Variants in CADM2 observed in about 807,000 individuals in gnomAD.
The protein encoded by CADM2 is immunoglobulin superfamily member 4D.
A neutral mutation model predicts 49.8 loss-of-function variants in CADM2; 12 were observed. That is an observed-to-expected ratio of 0.24 (90% CI 0.15 to 0.39). CADM2 has a LOEUF of 0.39. CADM2 is among the 10% of genes least tolerant of loss of function. The pLI, the probability that CADM2 is intolerant of heterozygous loss-of-function variation, is 1.00. For missense variants in CADM2, 378 were observed against 492.3 expected (o/e 0.77, Z 2.20); for synonymous variants, 214 against 175.4 (o/e 1.22, Z -1.74).
chr3:86,074,308 A>T lies in CADM2; in HGVS notation c.*7525A>T, dbSNP rs1703427560. 4.6e-5 allele frequency: 7 copies of T among 152,026 alleles called. No homozygotes were observed. Among genetic ancestry groups the T allele is most frequent in the Admixed American group, 4.6e-4 (7 of 15,248 alleles). 9.4% of individuals were successfully genotyped at this position (152,026 alleles called of 1,614,324 possible). A position where few individuals can be genotyped will look rare whatever the true frequency, so the allele number is the denominator to read the frequency against. Reference sequence around the variant, plus strand: ...CATAAAGTATTTTATAGTCTACTTTAAATAACAGATTTTGTTACACAGGGT... The same window carrying T: ...CATAAAGTATTTTATAGTCTACTTTTAATAACAGATTTTGTTACACAGGGT... On this transcript the variant is annotated 3_prime_UTR_variant, in exon 10 of 10. Coordinates refer to ENST00000383699, the MANE Select transcript of CADM2 (RefSeq NM_001167675.2).
At chr3:85,434,786 G>C (rs1237141939) in intron 1 of CADM2, among the ~76,000 whole-genome samples, 3 of 152,008 alleles carry the variant, frequency 2.0e-5, no homozygotes, top group Non-Finnish European at 4.4e-5. Context: ...TGCTGAACCA[G>C]GATTCCTCAG....
At chr3:85,248,161 TTA>T (rs2042691397) in intron 1 of CADM2, among the ~76,000 whole-genome samples, 1 of 152,178 alleles carries the variant, frequency 6.6e-6, no homozygotes, top group African/African-American at 2.4e-5. Context: ...AATTATAACT[TTA>T]TGTTTGAATC....
chr3:85,054,291 G>C (rs2035992320), intron 1 of CADM2, among the ~76,000 whole-genome samples: 3 of 151,812 alleles, frequency 2.0e-5, no homozygotes, highest in Admixed American at 1.3e-4. Flanking sequence ...GGCAGAGACA[G>C]AAGACTTTCT....
At chr3:85,395,169 A>G (rs1400111346) in intron 1 of CADM2, among the ~76,000 whole-genome samples, 1 of 151,778 alleles carries the variant, frequency 6.6e-6, no homozygotes, top group African/African-American at 2.4e-5. Flanking sequence ...GTATTGGTGC[A>G]TACCTGTGGG....
chr3:85,597,923 GACC>G (rs1553747751), intron 1 of CADM2, among the ~76,000 whole-genome samples: 1 of 151,976 alleles, frequency 6.6e-6, no homozygotes, highest in Non-Finnish European at 1.5e-5. Flanking sequence ...ATTAAATGCT[GACC>G]AACTCTAAAC....
At chr3:85,692,947 A>C (rs2066431053) in intron 1 of CADM2, among the ~76,000 whole-genome samples, 2 of 152,252 alleles carry the variant, frequency 1.3e-5, no homozygotes, top group African/African-American at 2.4e-5. Flanking sequence ...AATCAGAAGG[A>C]GGCCGGGCGG....
At chr3:85,775,454 A>G (rs372959707) in intron 2 of CADM2, among the ~76,000 whole-genome samples, 1 of 151,824 alleles carries the variant, frequency 6.6e-6, no homozygotes, top group East Asian at 1.9e-4. Context: ...ACATAGTTCA[A>G]CAAATTTGCA....
chr3:84,986,252 G>A (rs1028746673), intron 1 of CADM2, among the ~76,000 whole-genome samples: 1 of 151,990 alleles, frequency 6.6e-6, no homozygotes, highest in South Asian at 2.1e-4. Context: ...TTTGTGACTC[G>A]ACTTGCTGAA....
At chr3:85,601,262 T>A (rs992962710) in intron 1 of CADM2, among the ~76,000 whole-genome samples, 1 of 149,046 alleles carries the variant, frequency 6.7e-6, no homozygotes, top group Non-Finnish European at 1.5e-5. Context: ...ATAGTGAATA[T>A]TTGGAAATAT....
chr3:85,863,395 A>C (rs1167932304), intron 3 of CADM2, among the ~76,000 whole-genome samples: 1 of 152,160 alleles, frequency 6.6e-6, no homozygotes. Context: ...GGCCTTTAAG[A>C]GGTGACTGCC....
At chr3:85,476,434 A>T (rs890731797) in intron 1 of CADM2, among the ~76,000 whole-genome samples, 1 of 151,938 alleles carries the variant, frequency 6.6e-6, no homozygotes, top group Non-Finnish European at 1.5e-5. Flanking sequence ...GATATTCTTT[A>T]AAAATAAATA....
intron 1 of CADM2, among the ~76,000 whole-genome samples, chr3:85,347,817 T>A (rs2107224148): frequency 6.7e-6 from 1 of 150,100 alleles, no homozygotes; most frequent in South Asian, 2.1e-4. Context: ...GTTTTTTGTT[T>A]TTTTTTTTAA....
intron 1 of CADM2, among the ~76,000 whole-genome samples, chr3:85,313,722 G>C (rs1243319100): frequency 6.6e-6 from 1 of 152,040 alleles, no homozygotes; most frequent in African/African-American, 2.4e-5. Context: ...CTCATGTTCT[G>C]TACAAACTTG....
intron 5 of CADM2, among the ~76,000 whole-genome samples, chr3:85,898,588 A>C (rs917660038): frequency 2.7e-5 from 4 of 146,108 alleles, no homozygotes; most frequent in African/African-American, 1.0e-4. Context: ...TTTTTTTTTG[A>C]GTCTCAACAT....
intron 2 of CADM2, among the ~76,000 whole-genome samples, chr3:85,734,858 T>C (rs2068068822): frequency 6.6e-6 from 1 of 151,124 alleles, no homozygotes; most frequent in Non-Finnish European, 1.5e-5. Flanking sequence ...TTAAAAACTC[T>C]TAGTCATTTT....
At chr3:85,442,565 T>C (rs1271343349) in intron 1 of CADM2, among the ~76,000 whole-genome samples, 1 of 144,666 alleles carries the variant, frequency 6.9e-6, no homozygotes, top group African/African-American at 2.6e-5. Flanking sequence ...CCACATTCTA[T>C]TTAAAATAAT....
chr3:85,668,935 T>C (rs2065655681), intron 1 of CADM2, among the ~76,000 whole-genome samples: 1 of 152,176 alleles, frequency 6.6e-6, no homozygotes, highest in African/African-American at 2.4e-5. Context: ...ATGGATTTCA[T>C]AGGTCATATG....
Position 85,822,252 on chromosome 3 carries a change from T to C in CADM2, c.238+20056T>C, listed in dbSNP as rs548785146. Among the ~76,000 whole-genome samples the C allele has an allele frequency of 5.9e-5, 9 of 152,248 alleles. No individual in the cohort carries two copies. The South Asian group carries it at 1.5e-3, about 25-fold the overall frequency. The stretch of plus-strand genomic sequence containing the variant: ...ATTGGCAGTAATGGAAGAAGAGATT[T>C]TGAAGCAATTTCAGCAAGTTTAGGA... On this transcript the variant is annotated intron_variant, in intron 3 of 9. Coordinates refer to ENST00000383699, the MANE Select transcript of CADM2 (RefSeq NM_001167675.2).
At chr3:85,193,210 T>C (rs1208930392) in intron 1 of CADM2, among the ~76,000 whole-genome samples, 2 of 152,082 alleles carry the variant, frequency 1.3e-5, no homozygotes, top group Non-Finnish European at 2.9e-5. Context: ...GTAAATTAGT[T>C]GTCTGACTTC....
Sources: gnomAD v4.1 joint callset for allele counts (sites outside exome capture counted in the v4.1 genomes callset) on GRCh38, gnomAD v4.1.1 for gene constraint, MANE v1.5 for transcripts, NCBI Gene and HGNC (gene_info 2026-07-23, HGNC 2026-07-21) for gene names.